ARSG: variants seen among roughly 807,000 people sequenced by gnomAD.
ARSG encodes the protein ASG.
In ARSG, 37 loss-of-function variants were observed where a neutral mutation model predicts 50.5. The ratio of observed to expected loss-of-function variants is 0.73; its 90% CI spans 0.56 to 0.96. The LOEUF (loss-of-function observed/expected upper bound fraction) is 0.96, where lower values mean the gene tolerates loss of function less well. Among genes scored for constraint, ARSG ranks in the 50% least tolerant of loss-of-function variants. The pLI is 0.00. For synonymous variants in ARSG, 225 were observed against 254.6 expected (o/e 0.88, Z 1.11); for missense variants, 629 against 675.3 (o/e 0.93, Z 0.76).
Position 68,272,580 on chromosome 17 carries a change from G to C in ARSG, c.-552+13154G>C. The C allele has an allele frequency of 5.0e-6, 8 of 1,588,348 alleles. No individual in the cohort carries two copies. The South Asian group carries it at 7.8e-5, about 16-fold the overall frequency. On this transcript the variant is annotated intron_variant, in intron 1 of 11. Transcript: ENST00000448504. Reference sequence around the variant, plus strand: ...CTGTTGGCAAAAGTTAGCGTAGCAAGAATACCTGAGTGACGTCTCTCATCC... The same window carrying C: ...CTGTTGGCAAAAGTTAGCGTAGCAACAATACCTGAGTGACGTCTCTCATCC...
At chr17:68,277,641 C>G (rs546887041) in intron 1 of ARSG, among the ~76,000 whole-genome samples, 53 of 152,028 alleles carry the variant, frequency 3.5e-4, no homozygotes, top group Middle Eastern at 3.2e-3. Context: ...TGTTGGCCAG[C>G]CTGGTCTTGA....
rs1203288847 is a variant in ARSG at position 68,399,002 on chromosome 17, A to G, written c.1213-2358A>G. Among the ~76,000 whole-genome samples, 1 of 152,210 alleles carries G rather than the reference A, an allele frequency of 6.6e-6. No individual in the cohort carries two copies. The highest frequency in any genetic ancestry group is 2.4e-5 in the African/African-American group (1 of 41,446). On this transcript the variant is annotated intron_variant, in intron 10 of 11. Transcript: ENST00000621439. This position sits in a 1 kb window ranked among gnomAD's most constrained non-coding sequence, Gnocchi z 4.6. ...GATGGAAGCTGAAGGTGGTAACATC[A>G]TCACTGGTCAGGTCGTGTCTTAGCC...
At chr17:68,393,046 G>A (rs10468442) in intron 9 of ARSG, among the ~76,000 whole-genome samples, 8,174 of 152,186 alleles carry the variant, frequency 0.054, 421 homozygotes, top group East Asian at 0.22. Context: ...TTACCCTTGT[G>A]AATCATTAAG....
At chr17:68,301,928 C>G (rs1419910494) in intron 1 of ARSG, among the ~76,000 whole-genome samples, 1 of 152,020 alleles carries the variant, frequency 6.6e-6, no homozygotes, top group Non-Finnish European at 1.5e-5. Flanking sequence ...CAGACCACCC[C>G]CTTTAACTTT....
Position 68,367,855 on chromosome 17 carries a change from G to A in ARSG, c.705-693G>A, listed in dbSNP as rs757136256. ...GGAGGCCGAGGAGGGCAGCTCACCC[G>A]AGGTCAGGAGTTTGAGGCCAACCTA... On this transcript the variant is annotated intron_variant, in intron 6 of 11. Transcript: ENST00000621439. This position sits in a 1 kb window ranked among gnomAD's most constrained non-coding sequence, Gnocchi z 4.5. Among the ~76,000 whole-genome samples, 16 of 152,132 alleles carry A rather than the reference G, an allele frequency of 1.1e-4. No homozygotes were observed. Among genetic ancestry groups the A allele is most frequent in the Non-Finnish European group, 1.9e-4 (13 of 68,008 alleles).
chr17:68,321,184 A>G (rs1310350940), intron 2 of ARSG, among the ~76,000 whole-genome samples: 4 of 152,190 alleles, frequency 2.6e-5, no homozygotes, highest in African/African-American at 7.2e-5. Context: ...CCATCTCAAA[A>G]AAAGGAGAAA....
At chr17:68,388,991 G>T (rs1568562481) in intron 9 of ARSG, among the ~76,000 whole-genome samples, 1 of 151,914 alleles carries the variant, frequency 6.6e-6, no homozygotes, top group Non-Finnish European at 1.5e-5. Context: ...GTAACTCCCT[G>T]GGCTACCTCG....
rs1295366727 is a variant in ARSG, at chr17:68,381,850, A to G, written c.983-3214A>G. Among the ~76,000 whole-genome samples, 1 of 152,082 alleles carries G rather than the reference A, an allele frequency of 6.6e-6. No homozygotes were observed. Among genetic ancestry groups the G allele is most frequent in the Non-Finnish European group, 1.5e-5 (1 of 68,022 alleles). On this transcript the variant is annotated intron_variant, in intron 8 of 11. Coordinates refer to ENST00000621439, the MANE Select transcript of ARSG (RefSeq NM_001267727.2). This position sits in a 1 kb window ranked among gnomAD's most constrained non-coding sequence, Gnocchi z 4.1. ...CGTATTTTTTAAAAGCTCTCCAGTG[A>G]TTCTAATACATATTCAAAATGGAAC...
At chr17:68,355,717 C>T (rs1429888316) in intron 5 of ARSG, among the ~76,000 whole-genome samples, 3 of 151,952 alleles carry the variant, frequency 2.0e-5, no homozygotes, top group Non-Finnish European at 2.9e-5. Flanking sequence ...ATTGGGATTA[C>T]AGGCGTGAGC....
At chr17:68,274,228 G>T in intron 1 of ARSG, 1 of 667,354 alleles carries the variant, frequency 1.5e-6, no homozygotes, top group Non-Finnish European at 2.4e-6. Flanking sequence ...CACTTTGGGA[G>T]GTTGAGGACG....
Position 68,385,082 on chromosome 17 carries a change from A to C in ARSG, c.1001A>C (p.Gln334Pro), listed in dbSNP as rs769324253. 1 of 1,614,054 alleles carries C rather than the reference A, an allele frequency of 6.2e-7. No homozygotes were observed. Among genetic ancestry groups the C allele is most frequent in the East Asian group, 2.2e-5 (1 of 44,866 alleles). Residue 334 changes from glutamine (Q) to proline (P), a missense_variant, in exon 9 of 12, where the codon CAG (glutamine) becomes CCG (proline). By Grantham distance (76) the Gln-to-Pro change is moderately conservative. Coordinates refer to ENST00000621439, the MANE Select transcript of ARSG (RefSeq NM_001267727.2). ...QTRQGGSPAK[Q>P]TTWEGGHRVP... Reference sequence around the variant, plus strand: ...CTCACAGGGGGAAGTCCAGCCAAGCAGACGACCTGGGAAGGAGGGCACCGG... The same window carrying C: ...CTCACAGGGGGAAGTCCAGCCAAGCCGACGACCTGGGAAGGAGGGCACCGG...
chr17:68,308,876 A>G (rs1444793933), intron 2 of ARSG, among the ~76,000 whole-genome samples: 1 of 152,258 alleles, frequency 6.6e-6, no homozygotes, highest in Non-Finnish European at 1.5e-5. Flanking sequence ...CCGGCGCTGC[A>G]GGTGGAGCTG....
intron 1 of ARSG, among the ~76,000 whole-genome samples, chr17:68,301,522 G>C (rs534227241): frequency 6.6e-6 from 1 of 152,126 alleles, no homozygotes; most frequent in South Asian, 2.1e-4. Flanking sequence ...TGCTTGTCTC[G>C]CTCTAGCACT....
intron 1 of ARSG, chr17:68,278,201 G>T (rs1316298688): frequency 2.5e-6 from 4 of 1,613,904 alleles, no homozygotes; most frequent in Non-Finnish European, 3.4e-6. Flanking sequence ...TCTTGATGAT[G>T]CCGTAGGTGA....
intron 7 of ARSG, 102 bp from the exon 8 acceptor site, chr17:68,370,342 A>T: frequency 3.0e-6 from 3 of 989,340 alleles, no homozygotes; most frequent in Admixed American, 4.8e-5. Context: ...TCCTTTTTCT[A>T]TCTAGTTCCT....
At chr17:68,339,793 G>C (rs768157351) in intron 2 of ARSG, among the ~76,000 whole-genome samples, 1 of 152,184 alleles carries the variant, frequency 6.6e-6, no homozygotes, top group Non-Finnish European at 1.5e-5. Context: ...CCCATCAGGA[G>C]ATGTACGAGG....
the ARSG span, among the ~76,000 whole-genome samples, chr17:68,432,099 C>G: frequency 6.6e-6 from 1 of 152,080 alleles, no homozygotes; most frequent in Non-Finnish European, 1.5e-5. Flanking sequence ...GTAAAAAGAA[C>G]CTCAGGACAA....
intron 1 of ARSG, among the ~76,000 whole-genome samples, chr17:68,266,465 G>GTA (rs1555746467): frequency 6.6e-5 from 6 of 91,024 alleles, no homozygotes; most frequent in African/African-American, 1.4e-4. Context: ...GTATATATAT[G>GTA]TATATATATA....
downstream of ARSG, among the ~76,000 whole-genome samples, chr17:68,426,691 C>T (rs1466047755): frequency 6.6e-6 from 1 of 152,098 alleles, no homozygotes; most frequent in East Asian, 1.9e-4. Flanking sequence ...TGCCAACATG[C>T]CCAGCTAATT....
Sources: gnomAD v4.1 joint callset for allele counts (sites outside exome capture counted in the v4.1 genomes callset) on GRCh38, gnomAD v4.1.1 for gene constraint, Gnocchi (gnomAD v3.1) non-coding constraint, MANE v1.5 for transcripts, NCBI Gene and HGNC (gene_info 2026-07-23, HGNC 2026-07-21) for gene names.